PDE5A: variants seen among roughly 807,000 people sequenced by gnomAD.
PDE5A encodes cGMP-specific 3',5'-cyclic phosphodiesterase.
In PDE5A, 67 loss-of-function variants were observed where a neutral mutation model predicts 110.2. That is an observed-to-expected ratio of 0.61 (90% CI 0.50 to 0.75). The LOEUF (loss-of-function observed/expected upper bound fraction) is 0.75. Ranked by LOEUF, PDE5A falls within the 30% of genes least tolerant of loss-of-function variation. The pLI is 0.00. For synonymous variants in PDE5A, 328 were observed against 351.2 expected, an observed-to-expected ratio of 0.93 and a Z score of 0.74; for missense variants, 862 against 1,045.1, an observed-to-expected ratio of 0.82 and a Z score of 2.42.
chr4:119,507,711 A>G lies in PDE5A; in HGVS notation c.2089-7T>C. ...CACTGAGAATCTGATTGCCCTTTAT[A>G]AAAAAAGAAAACCAGTATTAACATC... On this transcript the variant is annotated splice_polypyrimidine_tract_variant and splice_region_variant and intron_variant, in intron 15 of 20. Coordinates refer to ENST00000354960, the MANE Select transcript of PDE5A (RefSeq NM_001083.4). 1 of 1,549,160 alleles carries G rather than the reference A, an allele frequency of 6.5e-7. No homozygotes were observed. The highest frequency in any genetic ancestry group is 8.7e-7 in the Non-Finnish European group (1 of 1,143,004).
chr4:119,537,216 A>G (rs558671044), intron 11 of PDE5A, among the ~76,000 whole-genome samples: 1 of 152,048 alleles, frequency 6.6e-6, no homozygotes, highest in East Asian at 1.9e-4. Context: ...ACAATAAAAA[A>G]CTTCACATGA....
At chr4:119,562,142 A>C (rs1727764919) in intron 6 of PDE5A, among the ~76,000 whole-genome samples, 1 of 152,348 alleles carries the variant, frequency 6.6e-6, no homozygotes, top group Middle Eastern at 3.4e-3. Context: ...AAAGTGCATA[A>C]AGAAAAACTG....
At chr4:119,518,361 C>G (rs894500394) in intron 14 of PDE5A, among the ~76,000 whole-genome samples, 7 of 152,218 alleles carry the variant, frequency 4.6e-5, no homozygotes, top group African/African-American at 1.7e-4. Flanking sequence ...TTTGTCATCT[C>G]AAATGCCACT....
intron 1 of PDE5A, among the ~76,000 whole-genome samples, chr4:119,616,489 G>A (rs1441605759): frequency 6.6e-6 from 1 of 152,080 alleles, no homozygotes; most frequent in Non-Finnish European, 1.5e-5. Flanking sequence ...AGCTCAAACT[G>A]CTTATAAAAT....
intron 1 of PDE5A, among the ~76,000 whole-genome samples, chr4:119,625,817 G>GC (rs2110571242): frequency 6.6e-6 from 1 of 152,056 alleles, no homozygotes; most frequent in Admixed American, 6.5e-5. Flanking sequence ...TTAGTGGTTT[G>GC]CATTTTTATA....
intron 3 of PDE5A, among the ~76,000 whole-genome samples, chr4:119,591,888 A>T (rs1728976751): frequency 6.6e-6 from 1 of 152,054 alleles, no homozygotes; most frequent in Non-Finnish European, 1.5e-5. Flanking sequence ...GCAGTGGCTC[A>T]CGCCTGTAAT....
chr4:119,522,735 G>C (rs1331607199), intron 12 of PDE5A, among the ~76,000 whole-genome samples: 1 of 151,858 alleles, frequency 6.6e-6, no homozygotes, highest in East Asian at 1.9e-4. Flanking sequence ...CTGTTACCAG[G>C]ATGTTCTCAA....
rs1478731031 is a variant in PDE5A, at chr4:119,628,770, C to T, written c.-99G>A. The T allele has an allele frequency of 1.3e-6, 2 of 1,508,032 alleles. No homozygotes were observed. Among genetic ancestry groups the T allele is most frequent in the Non-Finnish European group, 1.8e-6 (2 of 1,116,072 alleles). The allele number at this position is 1,508,032 out of a possible 1,614,324, so 93.4% of individuals were successfully genotyped here. A position where few individuals can be genotyped will look rare whatever the true frequency, so the allele number is the denominator to read the frequency against. ...ACAGGACTCGGCCTCGAGACCCTCC[C>T]CCTTCGTCCTGCTCCAGTCGGGCCG... is the stretch of plus-strand genomic sequence containing the variant. On this transcript the variant is annotated 5_prime_UTR_variant, in exon 1 of 21. Transcript: ENST00000354960.
At chr4:119,558,778 G>C (rs1224068049) in intron 7 of PDE5A, among the ~76,000 whole-genome samples, 1 of 151,214 alleles carries the variant, frequency 6.6e-6, no homozygotes, top group South Asian at 2.1e-4. Context: ...TTAGCCGGGC[G>C]TAGTGGCGGG....
At chr4:119,625,621 C>G (rs929905090) in intron 1 of PDE5A, among the ~76,000 whole-genome samples, 9 of 152,104 alleles carry the variant, frequency 5.9e-5, no homozygotes, top group African/African-American at 2.2e-4. Flanking sequence ...CCGCATGCAT[C>G]TACAGAACTA....
At chr4:119,551,616 C>T (rs1727358694) in intron 9 of PDE5A, among the ~76,000 whole-genome samples, 1 of 152,200 alleles carries the variant, frequency 6.6e-6, no homozygotes, top group South Asian at 2.1e-4. Flanking sequence ...ACATCCATCT[C>T]TGTGTTAGGG....
intron 2 of PDE5A, among the ~76,000 whole-genome samples, chr4:119,599,082 A>C (rs567838216): frequency 2.0e-4 from 31 of 152,296 alleles, no homozygotes; most frequent in African/African-American, 7.5e-4. Flanking sequence ...CTTAGGAGTA[A>C]GGACTATACC....
intron 3 of PDE5A, among the ~76,000 whole-genome samples, chr4:119,591,947 C>T (rs1032545031): frequency 1.3e-5 from 2 of 151,054 alleles, no homozygotes; most frequent in Non-Finnish European, 1.5e-5. Context: ...GTCAAGAGAT[C>T]GAGACCATCC....
At chr4:119,574,000 A>C (rs1043893774) in intron 3 of PDE5A, among the ~76,000 whole-genome samples, 3 of 152,134 alleles carry the variant, frequency 2.0e-5, no homozygotes, top group Admixed American at 1.3e-4. Context: ...AATCCTTGAC[A>C]TAATTCTTTA....
intron 7 of PDE5A, among the ~76,000 whole-genome samples, chr4:119,555,928 A>G (rs923958791): frequency 6.6e-6 from 1 of 152,216 alleles, no homozygotes; most frequent in Non-Finnish European, 1.5e-5. Flanking sequence ...AGAAATGTTG[A>G]TAAATTTTTA....
intron 3 of PDE5A, among the ~76,000 whole-genome samples, chr4:119,580,732 T>A (rs1029483369): frequency 3.3e-5 from 5 of 152,250 alleles, no homozygotes; most frequent in Non-Finnish European, 2.9e-5. Flanking sequence ...CAAGACCAAG[T>A]CACTTTTGCT....
chr4:119,558,904 G>A (rs1259335858), intron 7 of PDE5A, among the ~76,000 whole-genome samples: 3 of 109,190 alleles, frequency 2.7e-5, no homozygotes, highest in Non-Finnish European at 5.2e-5. Flanking sequence ...GCGACAGAGC[G>A]AGACTCCGTC....
intron 11 of PDE5A, among the ~76,000 whole-genome samples, chr4:119,529,415 A>G (rs559798789): frequency 6.6e-6 from 1 of 152,338 alleles, no homozygotes; most frequent in South Asian, 2.1e-4. Context: ...GCTAACAAAA[A>G]TACATTTCCT....
intron 4 of PDE5A, 150 bp from the exon 5 acceptor site, chr4:119,565,560 T>C (rs890026586): frequency 5.5e-5 from 34 of 618,598 alleles, no homozygotes; most frequent in Non-Finnish European, 9.0e-5. Context: ...AACTAAGTCT[T>C]AGCTAAAGGT....
Sources: gnomAD v4.1 joint callset for allele counts (sites outside exome capture counted in the v4.1 genomes callset) on GRCh38, gnomAD v4.1.1 for gene constraint, MANE v1.5 for transcripts, NCBI Gene and HGNC (gene_info 2026-07-23, HGNC 2026-07-21) for gene names.